The following UBXN7 variants were observed in gnomAD, a reference collection of about 807,000 sequenced individuals.
UBXN7 encodes UBX domain-containing protein 7.
A neutral mutation model predicts 58.0 loss-of-function variants in UBXN7; 9 were observed. The observed-to-expected ratio is 0.16, with a 90% CI of 0.09 to 0.27. The LOEUF (loss-of-function observed/expected upper bound fraction) is 0.27. Among genes scored for constraint, UBXN7 ranks in the 10% least tolerant of loss-of-function variants. The pLI is 1.00. For missense variants in UBXN7, 328 were observed against 599.6 expected (o/e 0.55, Z 4.73); for synonymous variants, 208 against 205.0 (o/e 1.01, Z -0.12).
intron 8 of UBXN7, among the ~76,000 whole-genome samples, chr3:196,364,177 T>G (rs1268862558): frequency 6.6e-6 from 1 of 152,186 alleles, no homozygotes; most frequent in Non-Finnish European, 1.5e-5. Flanking sequence ...AAAGTTCTAA[T>G]GCCACAGATT....
rs547996697 is a variant in UBXN7 at position 196,421,884 on chromosome 3, C to T, written c.73+10443G>A. On this transcript the variant is annotated intron_variant, in intron 1 of 10. Coordinates refer to ENST00000296328, the MANE Select transcript of UBXN7 (RefSeq NM_015562.2). The stretch of plus-strand genomic sequence containing the variant: ...TTAAGACCACAATGACATACCATTA[C>T]ACACTTATTGAAATGGCTTTAAAAA... Among the ~76,000 whole-genome samples, 5 of 152,016 alleles carry T rather than the reference C, an allele frequency of 3.3e-5. No homozygotes were observed. In the South Asian group the frequency reaches 1.0e-3, roughly 32 times the overall value.
In UBXN7 at chr3:196,361,707, T is replaced by C. The variant is rs964910243; in HGVS notation, c.1308+137A>G. 7.3e-6 allele frequency: 5 copies of C among 683,672 alleles called. No homozygotes were observed. The African/African-American group carries it at 9.2e-5, about 13-fold the overall frequency. 42.4% of individuals were successfully genotyped at this position (683,672 alleles called of 1,614,324 possible). A position where few individuals can be genotyped will look rare whatever the true frequency, so the allele number is the denominator to read the frequency against. On this transcript the variant is annotated intron_variant, in intron 10 of 10. Coordinates refer to ENST00000296328, the MANE Select transcript of UBXN7 (RefSeq NM_015562.2). ...TTTAATTAAGTTATGTGCTTTTTTT[T>C]AGACATAAAGCTACTGCACACTTAA...
rs988016297 is a variant in UBXN7 at position 196,405,479 on chromosome 3, A to T, written c.221+1767T>A. 1.5e-4 allele frequency among the ~76,000 whole-genome samples: 23 copies of T among 151,932 alleles called. No individual in the cohort carries two copies. The East Asian group carries it at 3.7e-3, about 24-fold the overall frequency. ...AGAGAGACTCCGTCTCAAAAAAAAAAAAAGAAAAGAAAAAAAAAGAAAGAA... is the reference window on the plus strand; with the variant it reads ...AGAGAGACTCCGTCTCAAAAAAAAATAAAGAAAAGAAAAAAAAAGAAAGAA... On this transcript the variant is annotated intron_variant, in intron 2 of 10. Coordinates refer to ENST00000296328, the MANE Select transcript of UBXN7 (RefSeq NM_015562.2).
At chr3:196,366,276 G>A (rs530101144) in intron 8 of UBXN7, among the ~76,000 whole-genome samples, 1 of 152,216 alleles carries the variant, frequency 6.6e-6, no homozygotes, top group African/African-American at 2.4e-5. Context: ...CAGCACTTCG[G>A]GAGGCCAAGG....
chr3:196,374,040 T>C (rs1236081060), intron 5 of UBXN7, among the ~76,000 whole-genome samples: 1 of 152,216 alleles, frequency 6.6e-6, no homozygotes, highest in Non-Finnish European at 1.5e-5. Context: ...TACTTCCTTA[T>C]AGGACAAAGA....
chr3:196,374,901 G>A (rs1728950671), intron 5 of UBXN7, among the ~76,000 whole-genome samples: 1 of 6,616 alleles, frequency 1.5e-4, no homozygotes, highest in South Asian at 5.6e-3. Flanking sequence ...AGGGGAGGGG[G>A]GGAGGGGGAG....
intron 3 of UBXN7, among the ~76,000 whole-genome samples, chr3:196,396,590 A>G (rs909175833): frequency 6.6e-6 from 1 of 151,850 alleles, no homozygotes; most frequent in African/African-American, 2.4e-5. Flanking sequence ...GTGAAACCCC[A>G]TCTCTACTAA....
chr3:196,376,200 T>A (rs1729013056), intron 5 of UBXN7, among the ~76,000 whole-genome samples: 1 of 152,122 alleles, frequency 6.6e-6, no homozygotes, highest in Non-Finnish European at 1.5e-5. Context: ...CAATGATTTG[T>A]CTAATTTGAA....
intron 3 of UBXN7, chr3:196,399,826 G>A (rs1316787481): frequency 6.6e-6 from 1 of 152,206 alleles, no homozygotes; most frequent in African/African-American, 2.4e-5. Context: ...GCCACCACAT[G>A]AATTCAACCA....
chr3:196,421,228 G>A (rs1417310699), intron 1 of UBXN7, among the ~76,000 whole-genome samples: 2 of 152,218 alleles, frequency 1.3e-5, no homozygotes, highest in African/African-American at 4.8e-5. Flanking sequence ...AACCAATGGT[G>A]CAGGAAGTAG....
chr3:196,410,388 A>G (rs778195774), intron 1 of UBXN7, among the ~76,000 whole-genome samples: 1 of 152,154 alleles, frequency 6.6e-6, no homozygotes, highest in Non-Finnish European at 1.5e-5. Context: ...TCTCTTCTGT[A>G]CTACTGTCTC....
intron 1 of UBXN7, among the ~76,000 whole-genome samples, chr3:196,430,793 G>C (rs1731005794): frequency 6.6e-6 from 1 of 152,148 alleles, no homozygotes; most frequent in Non-Finnish European, 1.5e-5. Context: ...GCATAATGCA[G>C]CAACACTAAC....
At chr3:196,364,425 G>A (rs1481945330) in intron 8 of UBXN7, among the ~76,000 whole-genome samples, 3 of 152,050 alleles carry the variant, frequency 2.0e-5, no homozygotes, top group Non-Finnish European at 2.9e-5. Flanking sequence ...ATTAATTAAT[G>A]AAACAATGAA....
chr3:196,369,523 T>C lies in UBXN7; in HGVS notation c.616-12A>G, dbSNP rs1392357601. The C allele has an allele frequency of 6.3e-7, 1 of 1,593,142 alleles. No homozygotes were observed. The highest frequency in any genetic ancestry group is 8.5e-7 in the Non-Finnish European group (1 of 1,171,836). ...CTGTCATGATAAACCTGTTAAATCATTGATATAAAAAAAAAAGTCAGCCTC... is the reference window on the plus strand; with the variant it reads ...CTGTCATGATAAACCTGTTAAATCACTGATATAAAAAAAAAAGTCAGCCTC... On this transcript the variant is annotated splice_polypyrimidine_tract_variant and intron_variant, in intron 6 of 10. Coordinates refer to ENST00000296328, the MANE Select transcript of UBXN7 (RefSeq NM_015562.2).
chr3:196,386,060 T>C (rs1729382634), intron 5 of UBXN7, among the ~76,000 whole-genome samples: 1 of 152,082 alleles, frequency 6.6e-6, no homozygotes, highest in East Asian at 1.9e-4. Context: ...TGGGATGCTG[T>C]TTATCTATGA....
At chr3:196,359,297 T>C (rs752772576) in intron 10 of UBXN7, among the ~76,000 whole-genome samples, 6 of 152,188 alleles carry the variant, frequency 3.9e-5, no homozygotes, top group Non-Finnish European at 5.9e-5. Context: ...TAAAGAAGTA[T>C]GTTCTGACTG....
chr3:196,426,162 T>C (rs563223220), intron 1 of UBXN7, among the ~76,000 whole-genome samples: 1 of 152,108 alleles, frequency 6.6e-6, no homozygotes, highest in Admixed American at 6.5e-5. Context: ...GGTGGGTGGA[T>C]CACCTGAGGT....
chr3:196,423,094 G>A lies in UBXN7; in HGVS notation c.73+9233C>T, dbSNP rs559653669. On this transcript the variant is annotated intron_variant, in intron 1 of 10. Transcript: ENST00000296328. Reference sequence around the variant, plus strand: ...GGGCAGCCCAGCCCGCCAAGTCCTCGCCTGGCTGCATGCCAGCCTGATCAA... The same window carrying A: ...GGGCAGCCCAGCCCGCCAAGTCCTCACCTGGCTGCATGCCAGCCTGATCAA... 2.8e-4 allele frequency among the ~76,000 whole-genome samples: 42 copies of A among 152,316 alleles called. No homozygotes were observed. The Middle Eastern group carries it at 0.02, about 74-fold the overall frequency.
chr3:196,372,308 C>CTCTCTCTCTCTCTCTCTCTCTCTCTCTA (rs1357610236), intron 5 of UBXN7, among the ~76,000 whole-genome samples: 5 of 149,668 alleles, frequency 3.3e-5, no homozygotes, highest in Non-Finnish European at 5.9e-5. Flanking sequence ...GATTCTCTCT[C>CTCTCTCTCTCTCTCTCTCTCTCTCTCTA]TCTCTCTCTC....
Sources: gnomAD v4.1 joint callset for allele counts (sites outside exome capture counted in the v4.1 genomes callset) on GRCh38, gnomAD v4.1.1 for gene constraint, MANE v1.5 for transcripts, NCBI Gene and HGNC (gene_info 2026-07-23, HGNC 2026-07-21) for gene names.